Variants in ZBTB24 observed in about 807,000 individuals in gnomAD.
ZBTB24 encodes the protein zinc finger and BTB domain-containing protein 24.
A neutral mutation model predicts 53.8 loss-of-function variants in ZBTB24; 32 were observed. The observed-to-expected ratio is 0.60, with a 90% CI of 0.45 to 0.80. ZBTB24 has a LOEUF of 0.80. Ranked by LOEUF, ZBTB24 falls within the 30% of genes least tolerant of loss-of-function variation. The pLI, the probability that ZBTB24 is intolerant of heterozygous loss-of-function variation, is 0.00. For missense variants in ZBTB24, 722 were observed against 837.1 expected (o/e 0.86, Z 1.70); for synonymous variants, 297 against 306.7 (o/e 0.97, Z 0.33).
rs147933298 is a variant in ZBTB24 at position 109,467,443 on chromosome 6, C to T, written c.1370+210G>A. 2.6e-4 allele frequency: 198 copies of T among 771,808 alleles called. No homozygotes were observed. The African/African-American group carries it at 3.6e-3, about 14-fold the overall frequency. The allele number at this position is 771,808 out of a possible 1,614,324, so 47.8% of individuals were successfully genotyped here. A position where few individuals can be genotyped will look rare whatever the true frequency, so the allele number is the denominator to read the frequency against. ...GGAGAATCGCCTGAACTCCCACCTG[C>T]ACTCCACTCACACCACTGCACTCCA... is the stretch of plus-strand genomic sequence containing the variant. On this transcript the variant is annotated intron_variant, in intron 6 of 6. Transcript: ENST00000230122.
intron 4 of ZBTB24, among the ~76,000 whole-genome samples, chr6:109,475,841 G>T (rs1171700706): frequency 1.3e-5 from 2 of 152,208 alleles, no homozygotes; most frequent in African/African-American, 4.8e-5. Context: ...GAGAAAGCCT[G>T]GGCTGACAGC....
At chr6:109,482,198 C>A (rs926151036) in intron 1 of ZBTB24, 144 bp from the exon 2 acceptor site, 20 of 728,708 alleles carry the variant, frequency 2.7e-5, no homozygotes, top group Admixed American at 6.8e-5. Flanking sequence ...TAGCTCTGGG[C>A]CCGGGCGCAG....
rs189950482 is a variant in ZBTB24 at position 109,466,703 on chromosome 6, C to T, written c.1371-129G>A. The T allele has an allele frequency of 2.4e-4, 309 of 1,275,508 alleles. 1 individual carries two copies. The African/African-American group carries it at 4.2e-3, about 17-fold the overall frequency. The allele number at this position is 1,275,508 out of a possible 1,614,324, so 79.0% of individuals were successfully genotyped here. On this transcript the variant is annotated intron_variant, in intron 6 of 6. Transcript: ENST00000230122. Reference sequence around the variant, plus strand: ...TGCAAGTCATAAGTCATGGGTTCACCTACTAATTCAAGGACTTGAAGCAAG... The same window carrying T: ...TGCAAGTCATAAGTCATGGGTTCACTTACTAATTCAAGGACTTGAAGCAAG...
At chr6:109,479,427 G>A (rs1034260753) in intron 2 of ZBTB24, among the ~76,000 whole-genome samples, 3 of 152,156 alleles carry the variant, frequency 2.0e-5, no homozygotes, top group African/African-American at 7.2e-5. Flanking sequence ...ACTAGACCGG[G>A]AAAAGATCAA....
chr6:109,473,690 A>G (rs1042795512), intron 5 of ZBTB24, among the ~76,000 whole-genome samples: 15 of 152,368 alleles, frequency 9.8e-5, no homozygotes, highest in African/African-American at 3.6e-4. Context: ...CTCAAAGCCT[A>G]AAACAATGTC....
chr6:109,466,685 C>T, intron 6 of ZBTB24, 111 bp from the exon 7 acceptor site: 1 of 1,407,342 alleles, frequency 7.1e-7, no homozygotes, highest in Non-Finnish European at 9.7e-7. Context: ...GACTGCAAGT[C>T]ATAAGTCATG....
chr6:109,479,954 A>G (rs1582682029), intron 2 of ZBTB24, among the ~76,000 whole-genome samples: 1 of 150,444 alleles, frequency 6.6e-6, no homozygotes, highest in South Asian at 2.1e-4. Context: ...CTAAAATATA[A>G]CCTATTACAG....
At chr6:109,473,303 C>T (rs1776206948) in intron 5 of ZBTB24, among the ~76,000 whole-genome samples, 1 of 152,110 alleles carries the variant, frequency 6.6e-6, no homozygotes, top group Non-Finnish European at 1.5e-5. Context: ...CTACTCCCAG[C>T]TCTCTGGCTG....
intron 2 of ZBTB24, 85 bp downstream of exon 2, chr6:109,480,990 A>G (rs911825011): frequency 1.9e-6 from 3 of 1,572,802 alleles, no homozygotes; most frequent in Non-Finnish European, 2.6e-6. Flanking sequence ...ATCACACAGA[A>G]GTTGCACAGT....
At chr6:109,481,004 T>C (rs748921621) in intron 2 of ZBTB24, 71 bp downstream of exon 2, 4 of 1,586,876 alleles carry the variant, frequency 2.5e-6, no homozygotes, top group East Asian at 2.2e-5. Context: ...GCACAGTAAA[T>C]GGAAGCTATT....
intron 2 of ZBTB24, among the ~76,000 whole-genome samples, chr6:109,479,915 CAAAAAA>C (rs200514874): frequency 7.2e-5 from 3 of 41,808 alleles, no homozygotes; most frequent in Admixed American, 3.5e-4. Flanking sequence ...GAATCCATCT[CAAAAAA>C]AAAAAAAAAA....
intron 5 of ZBTB24, among the ~76,000 whole-genome samples, chr6:109,468,876 C>A: frequency 6.6e-6 from 1 of 150,982 alleles, no homozygotes; most frequent in African/African-American, 2.4e-5. Flanking sequence ...GTTCATGTTC[C>A]CCAGAAACAA....
chr6:109,470,037 G>C (rs1258748866), intron 5 of ZBTB24, among the ~76,000 whole-genome samples: 2 of 152,204 alleles, frequency 1.3e-5, no homozygotes, highest in Non-Finnish European at 2.9e-5. Context: ...ATGATGAGGA[G>C]GGTGGGCTAG....
chr6:109,478,957 G>A (rs538051484), intron 2 of ZBTB24, among the ~76,000 whole-genome samples: 2 of 151,910 alleles, frequency 1.3e-5, no homozygotes, highest in Non-Finnish European at 2.9e-5. Flanking sequence ...AAAAAAAAGA[G>A]CTCCTAAAGG....
At position 109,466,322 on chromosome 6, in the gene ZBTB24, T is replaced by C. The variant is rs1314169000; in HGVS notation, c.1623A>G (p.Pro541=). Residue 541 remains proline, a synonymous_variant, in exon 7 of 7, where the codon CCA becomes CCG. Transcript: ENST00000230122. ...GCTCTCCCGAGGTAGAGAGTTGATA[T>C]GGCTGTAGCTGAAGAATATTCCTGA... The part of the protein sequence containing the change: ...EEVRNILQLQ[P]YQLSTSGEQE... The C allele has an allele frequency of 4.3e-6, 7 of 1,614,116 alleles. No homozygotes were observed. Among genetic ancestry groups the C allele is most frequent in the East Asian group, 2.2e-5 (1 of 44,892 alleles).
chr6:109,467,481 G>A, intron 6 of ZBTB24, 172 bp downstream of exon 6: 2 of 962,374 alleles, frequency 2.1e-6, no homozygotes, highest in Non-Finnish European at 2.5e-6. Context: ...CTGGGCGACA[G>A]TGAGACCCTG....
intron 5 of ZBTB24, among the ~76,000 whole-genome samples, chr6:109,472,720 C>T (rs1776192106): frequency 6.6e-6 from 1 of 152,244 alleles, no homozygotes; most frequent in Admixed American, 6.5e-5. Flanking sequence ...ATCTACCCCA[C>T]ACCTGCACAT....
intron 5 of ZBTB24, 60 bp downstream of exon 5, chr6:109,475,339 A>G (rs1260945415): frequency 6.2e-7 from 1 of 1,600,838 alleles, no homozygotes; most frequent in Non-Finnish European, 8.6e-7. Context: ...AGAGAACTTC[A>G]TTCTTCACTC....
rs1776415080 is a variant in ZBTB24, at chr6:109,481,560, T to C, written c.467A>G (p.Asp156Gly). The change falls in exon 2 of 7, where the codon GAT becomes GGT. Residue 156 changes from aspartate to glycine, a missense_variant. Transcript: ENST00000230122. ...PVVVISNKKN[D>G]PPKRKRGRPK... ...TCTTCCCCGTTTCCGCTTTGGAGGA[T>C]CGTTTTTCTTATTAGAGATAACAAC... is the stretch of plus-strand genomic sequence containing the variant. The C allele has an allele frequency of 6.2e-7, 1 of 1,614,072 alleles. No homozygotes were observed. Among genetic ancestry groups the C allele is most frequent in the Admixed American group, 1.7e-5 (1 of 59,992 alleles).
Sources: gnomAD v4.1 joint callset for allele counts (sites outside exome capture counted in the v4.1 genomes callset) on GRCh38, gnomAD v4.1.1 for gene constraint, MANE v1.5 for transcripts, NCBI Gene and HGNC (gene_info 2026-07-23, HGNC 2026-07-21) for gene names.